Variants in DIS3L2 observed in about 807,000 individuals in gnomAD.
DIS3L2 encodes DIS3-like exonuclease 2.
A neutral mutation model predicts 97.5 loss-of-function variants in DIS3L2; 34 were observed. That is an observed-to-expected ratio of 0.35 (90% CI 0.27 to 0.46). The LOEUF is 0.46. Among genes scored for constraint, DIS3L2 ranks in the 20% least tolerant of loss-of-function variants. DIS3L2 has a pLI of 1.00. For synonymous variants in DIS3L2, 435 were observed against 445.2 expected (o/e 0.98, Z 0.29); for missense variants, 1,038 against 1,146.0 (o/e 0.91, Z 1.36).
intron 7 of DIS3L2, 141 bp from the exon 8 acceptor site, chr2:232,136,331 A>T: frequency 9.9e-7 from 1 of 1,006,768 alleles, no homozygotes; most frequent in African/African-American, 1.6e-5. Context: ...TAAGTCACAG[A>T]TCATCACTGA....
At position 232,163,646 on chromosome 2, in the gene DIS3L2, A is replaced by T; in HGVS notation, c.1124+14A>T. 1 of 1,610,702 alleles carries T rather than the reference A, an allele frequency of 6.2e-7. No homozygotes were observed. The highest frequency in any genetic ancestry group is 8.5e-7 in the Non-Finnish European group (1 of 1,179,166). On this transcript the variant is annotated intron_variant, in intron 9 of 20. Transcript: ENST00000325385. ...AAGGGATTTAAGGTAAGCACCTGAAACCCTTTAAGAACGTATATCTCCCTT... is the reference window on the plus strand; with the variant it reads ...AAGGGATTTAAGGTAAGCACCTGAATCCCTTTAAGAACGTATATCTCCCTT...
At chr2:232,045,922 G>A (rs1293076240) in intron 5 of DIS3L2, among the ~76,000 whole-genome samples, 2 of 152,094 alleles carry the variant, frequency 1.3e-5, no homozygotes, top group Non-Finnish European at 2.9e-5. Context: ...TGATCCACCT[G>A]CCTCGGCCTC....
intron 6 of DIS3L2, among the ~76,000 whole-genome samples, chr2:232,088,183 G>A (rs1002639818): frequency 3.5e-4 from 53 of 151,996 alleles, no homozygotes; most frequent in African/African-American, 1.1e-3. Flanking sequence ...GGCGGATCAC[G>A]AGGTCAGGAG....
chr2:232,238,605 T>G lies in DIS3L2; in HGVS notation c.1277T>G (p.Val426Gly), dbSNP rs1553539258. ...FVPEGSDLDKVAAERATSVYL... is the reference protein window; with the variant it reads ...FVPEGSDLDKGAAERATSVYL... ...CCGGAGGGATCTGATCTGGATAAAGTGGCTGCCGAGAGGGCTACAAGCGTC... is the reference window on the plus strand; with the variant it reads ...CCGGAGGGATCTGATCTGGATAAAGGGGCTGCCGAGAGGGCTACAAGCGTC... Residue 426 changes from valine to glycine, a missense_variant, in exon 11 of 21, where the codon GTG becomes GGG. Around this residue, in one of 3 missense-constraint regions of DIS3L2, gnomAD observed 813 missense variants for 880.1 expected, o/e 0.92. Transcript: ENST00000325385. 6 of 1,614,120 alleles carry G rather than the reference T, an allele frequency of 3.7e-6. No individual in the cohort carries two copies. The highest frequency in any genetic ancestry group is 2.7e-5 in the African/African-American group (2 of 74,950).
intron 5 of DIS3L2, among the ~76,000 whole-genome samples, chr2:232,049,245 A>G (rs1695333313): frequency 6.6e-6 from 1 of 152,140 alleles, no homozygotes; most frequent in South Asian, 2.1e-4. Context: ...TTTATTTCTT[A>G]AGATTGTTTT....
intron 6 of DIS3L2, among the ~76,000 whole-genome samples, chr2:232,120,593 G>A (rs999652803): frequency 2.0e-5 from 3 of 152,176 alleles, no homozygotes; most frequent in Non-Finnish European, 4.4e-5. Flanking sequence ...GTTCAAGGCC[G>A]TTGTTTTGGG....
chr2:232,162,213 G>C (rs1466180316), intron 8 of DIS3L2, among the ~76,000 whole-genome samples: 1 of 152,038 alleles, frequency 6.6e-6, no homozygotes, highest in Non-Finnish European at 1.5e-5. Context: ...TGTTTTATGG[G>C]AGAGACCACC....
At chr2:232,182,411 G>A (rs561496550) in intron 9 of DIS3L2, among the ~76,000 whole-genome samples, 22 of 152,284 alleles carry the variant, frequency 1.4e-4, no homozygotes, top group African/African-American at 5.1e-4. Flanking sequence ...TGGAGTGAGT[G>A]TTCTGTAGAT....
intron 16 of DIS3L2, among the ~76,000 whole-genome samples, chr2:232,332,267 C>T (rs1183923736): frequency 6.6e-6 from 1 of 151,572 alleles, no homozygotes; most frequent in Non-Finnish European, 1.5e-5. Flanking sequence ...CAGAGACTTG[C>T]CCCCGACTTA....
intron 8 of DIS3L2, among the ~76,000 whole-genome samples, chr2:232,137,528 T>A (rs1698392398): frequency 6.6e-6 from 1 of 152,230 alleles, no homozygotes; most frequent in East Asian, 1.9e-4. Flanking sequence ...AATGACTTGC[T>A]TGTTGGTCAT....
intron 8 of DIS3L2, among the ~76,000 whole-genome samples, chr2:232,143,087 T>TGA (rs1261148570): frequency 6.6e-6 from 1 of 152,202 alleles, no homozygotes; most frequent in Non-Finnish European, 1.5e-5. Flanking sequence ...GATGAATGGC[T>TGA]GAGAACACTA....
chr2:232,238,610 G>A lies in DIS3L2; in HGVS notation c.1282G>A (p.Ala428Thr). ...PEGSDLDKVA[A>T]ERATSVYLVQ... Reference sequence around the variant, plus strand: ...GGGATCTGATCTGGATAAAGTGGCTGCCGAGAGGGCTACAAGCGTCTACTT... The same window carrying A: ...GGGATCTGATCTGGATAAAGTGGCTACCGAGAGGGCTACAAGCGTCTACTT... Residue 428 changes from alanine (A) to threonine (T), a missense_variant, in exon 11 of 21, where the codon GCC becomes ACC. Physicochemically the swap from Ala to Thr is moderately conservative, Grantham distance 58. Transcript: ENST00000325385. 1 of 1,614,188 alleles carries A rather than the reference G, an allele frequency of 6.2e-7. No individual in the cohort carries two copies. The highest frequency in any genetic ancestry group is 2.2e-5 in the East Asian group (1 of 44,882).
At position 232,334,668 on chromosome 2, in the gene DIS3L2, G is replaced by A; in HGVS notation, c.2327G>A (p.Gly776Asp). Residue 776 changes from glycine to aspartate, a missense_variant, in exon 19 of 21, where the codon GGC (glycine) becomes GAC (aspartate). Gly to Asp is a moderately conservative substitution (Grantham distance 94). Around this residue, in one of 3 missense-constraint regions of DIS3L2, gnomAD observed 221 missense variants for 246.9 expected, o/e 0.90. Transcript: ENST00000325385. The stretch of plus-strand genomic sequence containing the variant: ...CTGGAGTCAGAAGCCATGGTGATGG[G>A]CATCCTGAAGCAAGCCTTCGACGTG... Reference protein sequence around the residue: ...GPLESEAMVMGILKQAFDVLV... With the variant: ...GPLESEAMVMDILKQAFDVLV... 1 of 1,610,244 alleles carries A rather than the reference G, an allele frequency of 6.2e-7. No individual in the cohort carries two copies. Among genetic ancestry groups the A allele is most frequent in the Non-Finnish European group, 8.5e-7 (1 of 1,178,530 alleles).
chr2:232,339,409 T>C (rs534964411), downstream of DIS3L2, among the ~76,000 whole-genome samples: 481 of 152,112 alleles, frequency 3.2e-3, no homozygotes, highest in African/African-American at 0.01. Context: ...GGGCTGTGAT[T>C]GCCCAGGTGC....
In DIS3L2 at chr2:232,337,168, G is replaced by A. The variant is rs1333146304; in HGVS notation, c.*538G>A. ...TTGATACTGGAGTCTCATTCTGCCTGATTAAAAATGGAATTAGTATGCAAC... is the reference window on the plus strand; with the variant it reads ...TTGATACTGGAGTCTCATTCTGCCTAATTAAAAATGGAATTAGTATGCAAC... On this transcript the variant is annotated 3_prime_UTR_variant, in exon 21 of 21. Transcript: ENST00000325385. 1.0e-6 allele frequency: 1 copy of A among 995,742 alleles called. No homozygotes were observed. The highest frequency in any genetic ancestry group is 1.2e-6 in the Non-Finnish European group (1 of 837,824). The allele number at this position is 995,742 out of a possible 1,614,324, so 61.7% of individuals were successfully genotyped here.
At chr2:232,042,350 A>G (rs537264900) in intron 5 of DIS3L2, among the ~76,000 whole-genome samples, 1 of 151,936 alleles carries the variant, frequency 6.6e-6, no homozygotes, top group Admixed American at 6.6e-5. Context: ...ATACTAGATT[A>G]TATTTAATCC....
intron 10 of DIS3L2, among the ~76,000 whole-genome samples, chr2:232,217,848 G>T (rs1251741334): frequency 6.6e-5 from 10 of 152,142 alleles, no homozygotes; most frequent in African/African-American, 2.2e-4. Flanking sequence ...TTTTATGGAG[G>T]CTTCATTCGA....
chr2:232,004,640 G>T (rs1694001914), intron 1 of DIS3L2, among the ~76,000 whole-genome samples: 1 of 151,454 alleles, frequency 6.6e-6, no homozygotes, highest in Non-Finnish European at 1.5e-5. Context: ...GAGTGCAGTG[G>T]CGTGTTCTTG....
intron 14 of DIS3L2, among the ~76,000 whole-genome samples, chr2:232,323,425 A>C (rs1695491350): frequency 2.0e-5 from 3 of 152,176 alleles, no homozygotes; most frequent in African/African-American, 2.4e-5. Context: ...AAATGTGGCC[A>C]TCTAGCCTCT....
Sources: allele counts gnomAD v4.1 joint callset (sites outside exome capture counted in the v4.1 genomes callset), GRCh38; gene constraint gnomAD v4.1.1; regional missense constraint gnomAD v4.1.1; transcripts MANE v1.5; gene names NCBI Gene and HGNC (gene_info 2026-07-23, HGNC 2026-07-21).